Variants in NTF3 observed in about 807,000 individuals in gnomAD.
The protein encoded by NTF3 is neurotrophin 3, also known as neurotrophin-3.
A neutral mutation model predicts 26.3 loss-of-function variants in NTF3; 8 were observed. The observed-to-expected ratio is 0.30, with a 90% confidence interval of 0.18 to 0.55. NTF3 has a LOEUF of 0.55. Among genes scored for constraint, NTF3 ranks in the 20% least tolerant of loss-of-function variants. The pLI is 0.93. For synonymous variants in NTF3, 154 were observed against 145.5 expected, an observed-to-expected ratio of 1.06 and a Z score of -0.42; for missense variants, 276 against 352.9, an observed-to-expected ratio of 0.78 and a Z score of 1.75.
chr12:5,445,143 G>T (rs1940287910), intron 1 of NTF3, among the ~76,000 whole-genome samples: 1 of 152,188 alleles, frequency 6.6e-6, no homozygotes, highest in Non-Finnish European at 1.5e-5. Flanking sequence ...GCATTGACTT[G>T]CTCCAGAGAG....
intron 1 of NTF3, among the ~76,000 whole-genome samples, chr12:5,448,834 G>A (rs1303675676): frequency 6.6e-6 from 1 of 152,180 alleles, no homozygotes; most frequent in Admixed American, 6.5e-5. Flanking sequence ...TGTTCAGCAT[G>A]CTTCATTTAT....
chr12:5,481,631 G>GCACA (rs1251254509), intron 1 of NTF3, among the ~76,000 whole-genome samples: 192 of 57,426 alleles, frequency 3.3e-3, no homozygotes, highest in African/African-American at 0.019. Context: ...ACACATACAT[G>GCACA]CACACATACA....
At chr12:5,431,976 G>GGGGCGC (rs1320321186), upstream of NTF3, 3 of 148,840 alleles carry the variant, frequency 2.0e-5, no homozygotes, top group East Asian at 2.0e-4. Context: ...GGGGGGCTCT[G>GGGGCGC]GGGCGCGGGC....
chr12:5,494,568 T>G lies in NTF3; in HGVS notation c.393T>G (p.Tyr131Ter). 6.2e-7 allele frequency: 1 copy of G among 1,614,016 alleles called. No homozygotes were observed. The highest frequency in any genetic ancestry group is 8.5e-7 in the Non-Finnish European group (1 of 1,180,008). Reference sequence around the variant, plus strand: ...CCCCCTTGGAGCCCCCGCCCTTGTATCTCATGGAGGATTACGTGGGCAGCC... The same window carrying G: ...CCCCCTTGGAGCCCCCGCCCTTGTAGCTCATGGAGGATTACGTGGGCAGCC... Reference protein sequence around the residue: ...DSTPLEPPPLYLMEDYVGSPV... With the variant: ...DSTPLEPPPL The change falls in exon 2 of 2, where the codon TAT becomes TAG. Residue 131 changes from tyrosine (Y) to a stop codon, truncating the protein, a stop_gained. Coordinates refer to ENST00000423158, the MANE Select transcript of NTF3 (RefSeq NM_001102654.2). LOFTEE classifies it high-confidence loss of function. This position sits in a 1 kb window ranked among gnomAD's most constrained non-coding sequence, Gnocchi z 8.3.
chr12:5,470,833 C>A (rs1029364804), intron 1 of NTF3, among the ~76,000 whole-genome samples: 3 of 152,236 alleles, frequency 2.0e-5, no homozygotes, highest in Non-Finnish European at 4.4e-5. Context: ...TGCAGTCTCT[C>A]TACTATAAAA....
At chr12:5,465,655 C>T (rs969240868) in intron 1 of NTF3, among the ~76,000 whole-genome samples, 14 of 152,354 alleles carry the variant, frequency 9.2e-5, no homozygotes, top group African/African-American at 2.9e-4. Flanking sequence ...TCATGTGGCT[C>T]GCACTCAGAC....
At chr12:5,439,780 A>G (rs538233431) in intron 1 of NTF3, among the ~76,000 whole-genome samples, 1 of 152,256 alleles carries the variant, frequency 6.6e-6, no homozygotes. Context: ...GCACAGAATC[A>G]AAGTGAAAAA....
chr12:5,479,968 G>A (rs929651897), intron 1 of NTF3, among the ~76,000 whole-genome samples: 2 of 152,116 alleles, frequency 1.3e-5, no homozygotes, highest in African/African-American at 4.8e-5. Context: ...TTGATCCCTG[G>A]AGCATCCCTG....
intron 1 of NTF3, among the ~76,000 whole-genome samples, chr12:5,458,579 A>T (rs1274881461): frequency 6.6e-6 from 1 of 152,216 alleles, no homozygotes; most frequent in Non-Finnish European, 1.5e-5. Flanking sequence ...GTTTGCCTGC[A>T]GAAATCTGGA....
intron 1 of NTF3, among the ~76,000 whole-genome samples, chr12:5,477,273 C>G (rs1304508460): frequency 1.3e-5 from 2 of 152,144 alleles, no homozygotes; most frequent in Non-Finnish European, 2.9e-5. Context: ...ATGGTGTGAT[C>G]TCAAGCAGGC....
At chr12:5,488,457 G>T (rs915357697) in intron 1 of NTF3, among the ~76,000 whole-genome samples, 4 of 152,134 alleles carry the variant, frequency 2.6e-5, no homozygotes, top group African/African-American at 7.2e-5. Context: ...GGCTCCACCA[G>T]GATCTCTCTC....
intron 1 of NTF3, among the ~76,000 whole-genome samples, chr12:5,466,866 T>C (rs1161510721): frequency 6.6e-6 from 1 of 152,082 alleles, no homozygotes; most frequent in African/African-American, 2.4e-5. Flanking sequence ...GTGTTGTTTA[T>C]GGGAGGGGTG....
At chr12:5,484,110 A>T (rs1018033078) in intron 1 of NTF3, among the ~76,000 whole-genome samples, 8 of 152,158 alleles carry the variant, frequency 5.3e-5, no homozygotes, top group Admixed American at 3.3e-4. Flanking sequence ...GTCCTTAAAT[A>T]CACTGACTGC....
intron 1 of NTF3, among the ~76,000 whole-genome samples, chr12:5,446,924 G>A (rs372346732): frequency 2.6e-5 from 4 of 152,300 alleles, no homozygotes; most frequent in South Asian, 4.1e-4. Context: ...GATGGTAGCC[G>A]AAGAGAGCAG....
chr12:5,432,143 T>TCCGCG lies in NTF3; in HGVS notation c.-180_-176dup. 1 of 711,206 alleles carries TCCGCG rather than the reference T, an allele frequency of 1.4e-6. No individual in the cohort carries two copies. Among genetic ancestry groups the TCCGCG allele is most frequent in the Non-Finnish European group, 2.5e-6 (1 of 401,748 alleles). 44.1% of individuals were successfully genotyped at this position (711,206 alleles called of 1,614,324 possible). ...GAAGCTCCTCTCCCTTCCGAACAGC[T>TCCGCG]CCGCGCACCGCCCCGCGACGCAGCC... On this transcript the variant is annotated 5_prime_UTR_variant, in exon 1 of 2. Coordinates refer to ENST00000423158, the MANE Select transcript of NTF3 (RefSeq NM_001102654.2).
At chr12:5,448,819 T>C (rs879768514) in intron 1 of NTF3, among the ~76,000 whole-genome samples, 2 of 152,002 alleles carry the variant, frequency 1.3e-5, no homozygotes, top group Non-Finnish European at 2.9e-5. Context: ...GAAAGAAAAA[T>C]AGGATGTTCA....
chr12:5,488,597 A>G (rs770106431), intron 1 of NTF3, among the ~76,000 whole-genome samples: 6 of 152,204 alleles, frequency 3.9e-5, no homozygotes, highest in Non-Finnish European at 8.8e-5. Flanking sequence ...TTTGGGGAAC[A>G]AGCATAGCCA....
intron 1 of NTF3, among the ~76,000 whole-genome samples, chr12:5,469,543 A>G (rs1940638407): frequency 1.3e-5 from 2 of 152,138 alleles, no homozygotes; most frequent in Non-Finnish European, 2.9e-5. Flanking sequence ...TAATGGGGAA[A>G]ATTGCACAGC....
At chr12:5,441,946 G>A (rs1166274904) in intron 1 of NTF3, among the ~76,000 whole-genome samples, 4 of 152,212 alleles carry the variant, frequency 2.6e-5, no homozygotes, top group African/African-American at 4.8e-5. Flanking sequence ...TTGGTCACAG[G>A]GAATCGGGTG....
Sources: allele counts gnomAD v4.1 joint callset (sites outside exome capture counted in the v4.1 genomes callset), GRCh38; gene constraint gnomAD v4.1.1; non-coding constraint Gnocchi (gnomAD v3.1); transcripts MANE v1.5; gene names NCBI Gene and HGNC (gene_info 2026-07-23, HGNC 2026-07-21).